The following GALNT13 variants were observed in gnomAD, a reference collection of about 807,000 sequenced individuals.
GALNT13 encodes the protein polypeptide N-acetylgalactosaminyltransferase 13.
In GALNT13, 28 loss-of-function variants were observed where a neutral mutation model predicts 64.2. The ratio of observed to expected loss-of-function variants is 0.44; its 90% CI spans 0.32 to 0.60. The LOEUF is 0.60. Among genes scored for constraint, GALNT13 ranks in the 20% least tolerant of loss-of-function variants. The pLI is 0.05. For synonymous variants in GALNT13, 214 were observed against 224.6 expected (o/e 0.95, Z 0.42); for missense variants, 577 against 669.8 (o/e 0.86, Z 1.53).
the GALNT13 span, among the ~76,000 whole-genome samples, chr2:153,828,571 A>G: frequency 6.6e-6 from 1 of 152,164 alleles, no homozygotes; most frequent in Non-Finnish European, 1.5e-5. Context: ...TACACACAGC[A>G]TGGAGACCTT....
the GALNT13 span, among the ~76,000 whole-genome samples, chr2:153,188,099 A>C: frequency 3.3e-5 from 5 of 152,126 alleles, no homozygotes; most frequent in East Asian, 7.7e-4. Flanking sequence ...CAGTAAAATC[A>C]TATTTACTGG....
chr2:153,536,466 T>C, the GALNT13 span, among the ~76,000 whole-genome samples: 1 of 152,198 alleles, frequency 6.6e-6, no homozygotes, highest in African/African-American at 2.4e-5. Context: ...TTTTGAGTTT[T>C]TTTTTTTAGT....
chr2:154,019,686 TTTTTG>T (rs200076805), intron 3 of GALNT13, among the ~76,000 whole-genome samples: 14,396 of 132,230 alleles, frequency 0.11, 1,404 homozygotes, highest in East Asian at 0.34. Context: ...TTTAAATGAT[TTTTTG>T]TTTTTTTTGT....
the GALNT13 span, among the ~76,000 whole-genome samples, chr2:153,122,515 C>T: frequency 6.6e-6 from 1 of 152,160 alleles, no homozygotes; most frequent in Non-Finnish European, 1.5e-5. Flanking sequence ...CCTTAATGTT[C>T]CATTCACTTT....
the GALNT13 span, among the ~76,000 whole-genome samples, chr2:153,373,300 AAG>A: frequency 6.6e-6 from 1 of 152,180 alleles, no homozygotes; most frequent in South Asian, 2.1e-4. Context: ...AAGAAAAACA[AAG>A]AGTATTTACT....
chr2:153,186,155 T>C, the GALNT13 span, among the ~76,000 whole-genome samples: 2 of 152,158 alleles, frequency 1.3e-5, no homozygotes, highest in African/African-American at 2.4e-5. Flanking sequence ...TATGGGTGCA[T>C]GTATATTTAG....
the GALNT13 span, among the ~76,000 whole-genome samples, chr2:153,334,091 A>T: frequency 6.6e-6 from 1 of 152,208 alleles, no homozygotes; most frequent in Admixed American, 6.5e-5. Flanking sequence ...GTTTCAGGAA[A>T]AGTGGCAGAA....
At chr2:153,338,517 A>G in the GALNT13 span, among the ~76,000 whole-genome samples, 2 of 152,188 alleles carry the variant, frequency 1.3e-5, no homozygotes, top group African/African-American at 4.8e-5. Flanking sequence ...AATGATATAT[A>G]CTTATGGTGT....
intron 4 of GALNT13, among the ~76,000 whole-genome samples, chr2:154,156,510 T>C (rs1356996399): frequency 6.6e-6 from 1 of 152,166 alleles, no homozygotes; most frequent in African/African-American, 2.4e-5. Context: ...AGCTATATAT[T>C]AAGTAGTTGA....
chr2:154,223,641 G>A (rs975515992), intron 4 of GALNT13, among the ~76,000 whole-genome samples: 1 of 151,270 alleles, frequency 6.6e-6, no homozygotes, highest in East Asian at 1.9e-4. Flanking sequence ...AGTAGAGACA[G>A]GGTTTCTCCC....
chr2:153,197,264 A>G, the GALNT13 span, among the ~76,000 whole-genome samples: 1,015 of 152,218 alleles, frequency 6.7e-3, 9 homozygotes, highest in African/African-American at 0.022. Flanking sequence ...GGGGTTAATG[A>G]TAGGGTGGGG....
the GALNT13 span, among the ~76,000 whole-genome samples, chr2:153,441,964 G>A: frequency 8.0e-4 from 122 of 152,118 alleles, 1 homozygote; most frequent in African/African-American, 2.8e-3. Context: ...GGTTGCCCTG[G>A]TCAGAACCTC....
chr2:153,299,882 G>T, the GALNT13 span, among the ~76,000 whole-genome samples: 2 of 152,108 alleles, frequency 1.3e-5, no homozygotes, highest in Admixed American at 6.5e-5. Flanking sequence ...GTAGTCTTTT[G>T]TTCTCATTCT....
the GALNT13 span, among the ~76,000 whole-genome samples, chr2:153,115,545 T>A: frequency 6.6e-6 from 1 of 152,166 alleles, no homozygotes; most frequent in African/African-American, 2.4e-5. Flanking sequence ...CGGTATTTCC[T>A]TTAGCGCACA....
the GALNT13 span, among the ~76,000 whole-genome samples, chr2:153,272,119 G>T: frequency 2.0e-5 from 3 of 151,890 alleles, no homozygotes; most frequent in Non-Finnish European, 2.9e-5. Context: ...AATTAAGATG[G>T]ATTAAAGACT....
the GALNT13 span, among the ~76,000 whole-genome samples, chr2:153,701,299 A>G: frequency 2.6e-5 from 4 of 152,232 alleles, no homozygotes; most frequent in Non-Finnish European, 5.9e-5. Context: ...CATAAGCAGA[A>G]AACTGAAACT....
the GALNT13 span, among the ~76,000 whole-genome samples, chr2:153,494,089 C>T: frequency 6.6e-6 from 1 of 151,482 alleles, no homozygotes; most frequent in Admixed American, 6.6e-5. Flanking sequence ...AAAAAATGAA[C>T]AAGACCTCTT....
intron 10 of GALNT13, among the ~76,000 whole-genome samples, chr2:154,406,113 T>C (rs945167642): frequency 6.6e-6 from 1 of 152,146 alleles, no homozygotes; most frequent in Non-Finnish European, 1.5e-5. Flanking sequence ...TAAATAGAAA[T>C]AGCATTTGCC....
chr2:153,693,795 GCTCAGTAAAT>G, the GALNT13 span, among the ~76,000 whole-genome samples: 1 of 151,966 alleles, frequency 6.6e-6, no homozygotes, highest in Non-Finnish European at 1.5e-5. Flanking sequence ...TTCATCTCAC[GCTCAGTAAAT>G]CTATATTTTA....
Sources: gnomAD v4.1 joint callset for allele counts (sites outside exome capture counted in the v4.1 genomes callset) on GRCh38, gnomAD v4.1.1 for gene constraint, MANE v1.5 for transcripts, NCBI Gene and HGNC (gene_info 2026-07-23, HGNC 2026-07-21) for gene names.